Variants in MYO3A observed in about 807,000 individuals in gnomAD.
The protein encoded by MYO3A is myosin-IIIa.
A neutral mutation model predicts 192.7 loss-of-function variants in MYO3A; 180 were observed. The observed-to-expected ratio is 0.93, with a 90% CI of 0.83 to 1.06. The LOEUF is 1.06. MYO3A is among the 50% of genes least tolerant of loss of function. The pLI is 0.00. For missense variants in MYO3A, 1,896 were observed against 1,905.0 expected, an observed-to-expected ratio of 1.00 and a Z score of 0.09; for synonymous variants, 628 against 645.3, an observed-to-expected ratio of 0.97 and a Z score of 0.41.
At chr10:25,975,389 G>GTATC (rs757133101) in intron 4 of MYO3A, among the ~76,000 whole-genome samples, 111 of 152,144 alleles carry the variant, frequency 7.3e-4, no homozygotes, top group Non-Finnish European at 1.3e-3. Flanking sequence ...AATGGAGCAA[G>GTATC]TATCTCAAAA....
At chr10:26,126,811 A>G (rs1237347227) in intron 19 of MYO3A, among the ~76,000 whole-genome samples, 1 of 149,542 alleles carries the variant, frequency 6.7e-6, no homozygotes, top group Non-Finnish European at 1.5e-5. Flanking sequence ...ATGTACATAT[A>G]CTAAATATAC....
At chr10:26,189,167 G>A (rs1843002870) in intron 31 of MYO3A, among the ~76,000 whole-genome samples, 2 of 152,160 alleles carry the variant, frequency 1.3e-5, no homozygotes, top group African/African-American at 4.8e-5. Flanking sequence ...TGGCCATACT[G>A]CCCAAGGTAA....
intron 26 of MYO3A, among the ~76,000 whole-genome samples, chr10:26,165,338 T>A (rs529003665): frequency 1.3e-5 from 2 of 152,300 alleles, no homozygotes; most frequent in African/African-American, 4.8e-5. Flanking sequence ...CTTGCACCAA[T>A]AAATTAAAAA....
intron 10 of MYO3A, among the ~76,000 whole-genome samples, chr10:26,055,249 A>C (rs2368120): frequency 6.6e-6 from 1 of 151,858 alleles, no homozygotes. Flanking sequence ...CCACACCTTC[A>C]TAAAGACAGG....
At chr10:26,010,456 T>G (rs949539180) in intron 6 of MYO3A, among the ~76,000 whole-genome samples, 4 of 142,604 alleles carry the variant, frequency 2.8e-5, no homozygotes, top group East Asian at 1.9e-4. Context: ...AGTTGTTTTT[T>G]TTTTTTTTTT....
At chr10:26,107,872 C>A (rs1041946765) in intron 17 of MYO3A, among the ~76,000 whole-genome samples, 2 of 152,092 alleles carry the variant, frequency 1.3e-5, no homozygotes, top group African/African-American at 4.8e-5. Flanking sequence ...TAAATGTTTT[C>A]ATTGTCTGTA....
At chr10:26,028,822 A>G (rs558887074) in intron 10 of MYO3A, among the ~76,000 whole-genome samples, 1 of 152,300 alleles carries the variant, frequency 6.6e-6, no homozygotes, top group Non-Finnish European at 1.5e-5. Flanking sequence ...CCTAGGGGAA[A>G]TGTGGAATAG....
intron 20 of MYO3A, 131 bp from the exon 21 acceptor site, chr10:26,143,317 C>G: frequency 1.1e-6 from 1 of 879,818 alleles, no homozygotes; most frequent in Non-Finnish European, 1.8e-6. Context: ...GACGACAGAG[C>G]GAGTCTCCGT....
intron 31 of MYO3A, among the ~76,000 whole-genome samples, chr10:26,188,634 T>C (rs2132124648): frequency 6.6e-6 from 1 of 152,358 alleles, no homozygotes; most frequent in Non-Finnish European, 1.5e-5. Context: ...AACATTTAAA[T>C]CTCTAATCCA....
chr10:26,061,151 G>T (rs921976433), intron 10 of MYO3A, among the ~76,000 whole-genome samples: 13 of 151,894 alleles, frequency 8.6e-5, no homozygotes, highest in African/African-American at 2.9e-4. Context: ...GGATGGTCTC[G>T]ATCTCCTGAC....
intron 28 of MYO3A, among the ~76,000 whole-genome samples, 182 bp from the exon 29 acceptor site, chr10:26,170,234 T>C (rs1025806422): frequency 2.0e-5 from 3 of 152,244 alleles, no homozygotes; most frequent in African/African-American, 7.2e-5. Context: ...ATTGTTGCTA[T>C]AGCTTGCCAT....
intron 10 of MYO3A, among the ~76,000 whole-genome samples, chr10:26,028,976 A>G (rs1842686061): frequency 6.6e-6 from 1 of 152,232 alleles, no homozygotes; most frequent in Non-Finnish European, 1.5e-5. Context: ...CCTGGACACC[A>G]GATAAGATTT....
At chr10:26,181,766 T>G (rs1842627252) in intron 31 of MYO3A, among the ~76,000 whole-genome samples, 1 of 143,492 alleles carries the variant, frequency 7.0e-6, no homozygotes, top group African/African-American at 2.6e-5. Flanking sequence ...GACTTGGCAA[T>G]ATGTCCAAAA....
intron 32 of MYO3A, among the ~76,000 whole-genome samples, chr10:26,198,735 C>T (rs1287049838): frequency 6.6e-6 from 1 of 152,096 alleles, no homozygotes; most frequent in African/African-American, 2.4e-5. Flanking sequence ...TCTTCAAAGT[C>T]TTCAGAGCTA....
At chr10:26,164,488 T>C (rs1841634049) in intron 26 of MYO3A, among the ~76,000 whole-genome samples, 1 of 152,102 alleles carries the variant, frequency 6.6e-6, no homozygotes, top group Non-Finnish European at 1.5e-5. Flanking sequence ...TAGAGAAGCT[T>C]GTCTGCTGAG....
intron 29 of MYO3A, among the ~76,000 whole-genome samples, chr10:26,172,241 G>A (rs892558287): frequency 1.3e-5 from 2 of 152,202 alleles, no homozygotes; most frequent in African/African-American, 4.8e-5. Flanking sequence ...TACCTGAAGC[G>A]CTTGTTTTCA....
intron 14 of MYO3A, among the ~76,000 whole-genome samples, chr10:26,087,072 C>T (rs1312121733): frequency 2.0e-5 from 3 of 152,102 alleles, no homozygotes; most frequent in Admixed American, 6.6e-5. Context: ...GATGCAAAAA[C>T]GAGGTGTTTG....
chr10:25,979,972 C>G (rs1839218075), intron 4 of MYO3A, among the ~76,000 whole-genome samples: 1 of 152,194 alleles, frequency 6.6e-6, no homozygotes, highest in Non-Finnish European at 1.5e-5. Context: ...CGCAATGGCT[C>G]ACGCCTGTAA....
At chr10:26,038,009 G>A (rs1463372862) in intron 10 of MYO3A, among the ~76,000 whole-genome samples, 1 of 152,184 alleles carries the variant, frequency 6.6e-6, no homozygotes, top group East Asian at 1.9e-4. Context: ...AGAGCTCACT[G>A]TGGATTTATG....
Sources: gnomAD v4.1 joint callset for allele counts (sites outside exome capture counted in the v4.1 genomes callset) on GRCh38, gnomAD v4.1.1 for gene constraint, MANE v1.5 for transcripts, NCBI Gene and HGNC (gene_info 2026-07-23, HGNC 2026-07-21) for gene names.